Variants in EDA observed in about 807,000 individuals in gnomAD.
EDA encodes ectodysplasin-A.
EDA carries 2 observed loss-of-function variants against 23.6 expected under a neutral mutation model. That is an observed-to-expected ratio of 0.08 (90% CI 0.03 to 0.27). The LOEUF is 0.27. EDA is among the 10% of genes least tolerant of loss of function. EDA has a pLI of 1.00. For missense variants in EDA, 229 were observed against 324.2 expected (o/e 0.71, Z 2.26); for synonymous variants, 131 against 132.0 (o/e 0.99, Z 0.05).
At chrX:69,654,827 T>G (rs1163082067) in intron 1 of EDA, among the ~76,000 whole-genome samples, 1 of 106,916 alleles carries the variant, frequency 9.4e-6, no homozygotes, top group Non-Finnish European at 1.9e-5. Flanking sequence ...AGGATAGCAT[T>G]AGGAGATATA....
In EDA at chrX:69,714,976, G is replaced by A. The variant is rs748749026; in HGVS notation, c.396+98272G>A. Among the ~76,000 whole-genome samples, 162 of 110,057 alleles carry A rather than the reference G, an allele frequency of 1.5e-3. No homozygotes were observed. The Middle Eastern group carries it at 0.024, about 16-fold the overall frequency. On this transcript the variant is annotated intron_variant, in intron 1 of 7. Transcript: ENST00000374552. ...TAGTAAACCTGTGGATCAATATGGGGAAAATTGACATCTTTACAATGTTGT... is the reference window on the plus strand; with the variant it reads ...TAGTAAACCTGTGGATCAATATGGGAAAAATTGACATCTTTACAATGTTGT...
rs201809464 is a variant in EDA, at chrX:69,984,154, T to C, written c.502+27022T>C. On this transcript the variant is annotated intron_variant, in intron 2 of 7. Transcript: ENST00000374552. ...AGGGAAATTTATAGCACTAAATGCCTACAAGAGAAAGCAGGAAAGATCCAA... is the reference window on the plus strand; with the variant it reads ...AGGGAAATTTATAGCACTAAATGCCCACAAGAGAAAGCAGGAAAGATCCAA... Among the ~76,000 whole-genome samples the C allele has an allele frequency of 0.043, 2,068 of 48,288 alleles. 215 individuals are homozygous for C. The East Asian group carries it at 0.48, about 11-fold the overall frequency. The allele number at this position is 48,288 out of a possible 115,157, so 41.9% of individuals were successfully genotyped here.
intron 1 of EDA, among the ~76,000 whole-genome samples, chrX:69,830,602 C>T (rs2016585107): frequency 8.9e-6 from 1 of 112,036 alleles, no homozygotes; most frequent in South Asian, 3.7e-4. Flanking sequence ...AAAACTAATA[C>T]TCGTGTAATA....
intron 1 of EDA, among the ~76,000 whole-genome samples, chrX:69,826,999 C>A: frequency 8.9e-6 from 1 of 112,282 alleles, no homozygotes. Flanking sequence ...ATTGAAAATT[C>A]TTTTCTTTAG....
intron 1 of EDA, among the ~76,000 whole-genome samples, chrX:69,784,105 G>T (rs12393242): frequency 1.0e-5 from 1 of 98,577 alleles, no homozygotes; most frequent in African/African-American, 3.6e-5. Context: ...AGAAGTGTCT[G>T]TTCATGTCCT....
chrX:69,915,320 T>C (rs2018324074), intron 1 of EDA, among the ~76,000 whole-genome samples: 1 of 111,721 alleles, frequency 9.0e-6, no homozygotes, highest in East Asian at 2.8e-4. Flanking sequence ...AAAAGCATCA[T>C]GGACCAGGCG....
intron 1 of EDA, among the ~76,000 whole-genome samples, chrX:69,892,674 A>AT (rs933727494): frequency 8.9e-6 from 1 of 112,073 alleles, no homozygotes; most frequent in African/African-American, 3.2e-5. Flanking sequence ...AGTTTCCCCT[A>AT]TTTTTTAAAG....
chrX:69,988,727 G>C, intron 2 of EDA, among the ~76,000 whole-genome samples: 1 of 110,151 alleles, frequency 9.1e-6, no homozygotes. Context: ...GTGGTGGCAG[G>C]CACCTGTAAT....
intron 2 of EDA, among the ~76,000 whole-genome samples, chrX:69,964,183 G>A (rs1328824269): frequency 2.7e-5 from 3 of 111,566 alleles, no homozygotes; most frequent in African/African-American, 6.5e-5. Flanking sequence ...TATAGTAGCA[G>A]GATGACCTTA....
At position 69,977,285 on chromosome X, in the gene EDA, TA is replaced by T. The variant is rs1472194690; in HGVS notation, c.502+20156del. On this transcript the variant is annotated intron_variant, in intron 2 of 7. Transcript: ENST00000374552. ...TTGTTCTCAGCCATCCTATCTATTC[TA>T]AAGTCCATTATCATTTTTCTTCTAG... Among the ~76,000 whole-genome samples, 3 of 111,862 alleles carry T rather than the reference TA, an allele frequency of 2.7e-5. No individual in the cohort carries two copies. In the East Asian group the frequency reaches 8.5e-4, roughly 32 times the overall value.
intron 2 of EDA, among the ~76,000 whole-genome samples, chrX:69,994,122 T>A (rs191475403): frequency 2.7e-5 from 3 of 111,568 alleles, no homozygotes; most frequent in Non-Finnish European, 5.6e-5. Context: ...TCCCTAAGAC[T>A]GTTATGAAGA....
At position 69,964,740 on chromosome X, in the gene EDA, A is replaced by C. The variant is rs752676283; in HGVS notation, c.502+7608A>C. The stretch of plus-strand genomic sequence containing the variant: ...CTAGCTCACTTCTGTATGGCTCCTC[A>C]AAATATCACAGGCAGATATAGATGT... On this transcript the variant is annotated intron_variant, in intron 2 of 7. Coordinates refer to ENST00000374552, the MANE Select transcript of EDA (RefSeq NM_001399.5). Among the ~76,000 whole-genome samples, 222 of 111,431 alleles carry C rather than the reference A, an allele frequency of 2.0e-3. 1 individual carries two copies. The highest frequency in any genetic ancestry group is 4.7e-3 in the Middle Eastern group (1 of 215).
intron 1 of EDA, among the ~76,000 whole-genome samples, chrX:69,776,189 T>C (rs2014776126): frequency 8.9e-6 from 1 of 112,084 alleles, no homozygotes; most frequent in African/African-American, 3.2e-5. Context: ...GTTGAACAGA[T>C]GTGCAGGGGC....
chrX:70,020,617 TAAATGTACATATAAATTGTTTATA>T (rs1319885405), intron 2 of EDA, among the ~76,000 whole-genome samples: 5 of 111,625 alleles, frequency 4.5e-5, no homozygotes, highest in East Asian at 2.8e-4. Flanking sequence ...AAATTGTTTA[TAAATGTACATATAAATTGTTTATA>T]AAATGTACAT....
intron 1 of EDA, among the ~76,000 whole-genome samples, chrX:69,732,435 C>A (rs745615635): frequency 8.9e-5 from 10 of 112,096 alleles, no homozygotes; most frequent in Admixed American, 8.5e-4. Context: ...TGAACTCATC[C>A]TTTTTTATGG....
chrX:69,738,476 A>G, intron 1 of EDA, among the ~76,000 whole-genome samples: 1 of 107,633 alleles, frequency 9.3e-6, no homozygotes. Context: ...GATTTTCTCT[A>G]TTGTTTTTCA....
At chrX:69,691,605 A>T (rs2520377) in intron 1 of EDA, among the ~76,000 whole-genome samples, 33,786 of 110,770 alleles carry the variant, frequency 0.31, 4,897 homozygotes, top group Middle Eastern at 0.54. Context: ...TATATAATAA[A>T]TTATCATGCT....
chrX:69,766,495 A>C (rs1453431913), intron 1 of EDA, among the ~76,000 whole-genome samples: 2 of 110,849 alleles, frequency 1.8e-5, no homozygotes, highest in African/African-American at 3.3e-5. Context: ...CTTTGAGTCC[A>C]TGTGTTTTCA....
chrX:69,682,848 C>T (rs886733008), intron 1 of EDA, among the ~76,000 whole-genome samples: 2 of 111,624 alleles, frequency 1.8e-5, no homozygotes, highest in African/African-American at 3.3e-5. Flanking sequence ...GCTCCTCCCC[C>T]CTGCTGTTCT....
Sources: gnomAD v4.1 joint callset for allele counts (sites outside exome capture counted in the v4.1 genomes callset) on GRCh38, gnomAD v4.1.1 for gene constraint, MANE v1.5 for transcripts, NCBI Gene and HGNC (gene_info 2026-07-23, HGNC 2026-07-21) for gene names.